Variants in ERG observed in about 807,000 individuals in gnomAD.
ERG encodes the protein transcriptional regulator ERG.
In ERG, 9 loss-of-function variants were observed where a neutral mutation model predicts 55.3. The ratio of observed to expected loss-of-function variants is 0.16; its 90% confidence interval spans 0.10 to 0.28. The LOEUF (loss-of-function observed/expected upper bound fraction) is 0.28, where lower values mean the gene tolerates loss of function less well. ERG is among the 10% of genes least tolerant of loss of function. ERG has a pLI of 1.00. For missense variants in ERG, 434 were observed against 631.6 expected (o/e 0.69, Z 3.35); for synonymous variants, 223 against 237.3 (o/e 0.94, Z 0.55).
At chr21:38,387,917 G>A (rs1987776705) in intron 9 of ERG, among the ~76,000 whole-genome samples, 1 of 152,180 alleles carries the variant, frequency 6.6e-6, no homozygotes, top group African/African-American at 2.4e-5. Flanking sequence ...CTTAGCGTTG[G>A]CAAGGGTTGA....
intron 1 of ERG, chr21:38,575,797 G>C: frequency 6.0e-6 from 8 of 1,342,170 alleles, no homozygotes; most frequent in Non-Finnish European, 8.5e-6. Context: ...CTGCATTTCT[G>C]TGTTTTATGT....
intron 1 of ERG, among the ~76,000 whole-genome samples, chr21:38,458,423 CAAAAAAA>C (rs35307490): frequency 1.2e-5 from 1 of 83,726 alleles, no homozygotes. Flanking sequence ...GACTCTGGCT[CAAAAAAA>C]AAAAAAAAAA....
intron 2 of ERG, among the ~76,000 whole-genome samples, chr21:38,568,854 G>A (rs763290844): frequency 4.6e-5 from 7 of 152,140 alleles, no homozygotes; most frequent in East Asian, 1.9e-4. Context: ...TCAAGCACCC[G>A]AGGGTCACCT....
At chr21:38,640,953 G>T (rs1227419958) in intron 1 of ERG, among the ~76,000 whole-genome samples, 36 of 152,298 alleles carry the variant, frequency 2.4e-4, no homozygotes, top group Admixed American at 2.3e-3. Flanking sequence ...CTATGTATTA[G>T]CATGAGAAAT....
intron 2 of ERG, among the ~76,000 whole-genome samples, chr21:38,518,234 GTGTATC>G (rs779689372): frequency 8.5e-4 from 115 of 135,078 alleles, no homozygotes; most frequent in African/African-American, 1.3e-3. Context: ...ATGTGTGTGT[GTGTATC>G]TATCTATCTA....
chr21:38,501,267 C>T (rs1387102305), upstream of ERG, among the ~76,000 whole-genome samples: 3 of 151,462 alleles, frequency 2.0e-5, no homozygotes, highest in African/African-American at 7.3e-5. Context: ...CGGGGTTTCA[C>T]CATATTAGCC....
intron 2 of ERG, among the ~76,000 whole-genome samples, chr21:38,556,726 G>T (rs75789449): frequency 0.024 from 3,707 of 152,202 alleles, 150 homozygotes; most frequent in African/African-American, 0.084. Flanking sequence ...GACACAGAGT[G>T]GGGGGAAGGC....
At chr21:38,552,229 T>C (rs779297021) in intron 2 of ERG, among the ~76,000 whole-genome samples, 2 of 152,012 alleles carry the variant, frequency 1.3e-5, no homozygotes, top group Non-Finnish European at 2.9e-5. Flanking sequence ...ACCAGAGAGA[T>C]TCACAACCAA....
downstream of ERG, among the ~76,000 whole-genome samples, chr21:38,379,507 T>A (rs1207376247): frequency 1.3e-5 from 2 of 152,204 alleles, no homozygotes; most frequent in Non-Finnish European, 2.9e-5. Flanking sequence ...AAACCATTTT[T>A]TTTTTCCATA....
rs545653860 is a variant in ERG at position 38,422,544 on chromosome 21, C to T, written c.388+866G>A. On this transcript the variant is annotated intron_variant, in intron 3 of 9. Transcript: ENST00000288319. Reference sequence around the variant, plus strand: ...CGTTTCTAAAGCATTTATCCAAATGCCTCCTGTAGGGTAAAGGTTCACTGA... The same window carrying T: ...CGTTTCTAAAGCATTTATCCAAATGTCTCCTGTAGGGTAAAGGTTCACTGA... 7.9e-5 allele frequency among the ~76,000 whole-genome samples: 12 copies of T among 152,338 alleles called. No individual in the cohort carries two copies. The South Asian group carries it at 2.3e-3, about 29-fold the overall frequency.
intron 1 of ERG, among the ~76,000 whole-genome samples, chr21:38,484,128 C>T (rs2059262322): frequency 6.6e-6 from 1 of 152,118 alleles, no homozygotes; most frequent in Non-Finnish European, 1.5e-5. Context: ...TGACGCCTGG[C>T]TAATTTTTTG....
At chr21:38,484,686 T>A (rs2059267498) in intron 1 of ERG, among the ~76,000 whole-genome samples, 1 of 152,222 alleles carries the variant, frequency 6.6e-6, no homozygotes, top group Non-Finnish European at 1.5e-5. Flanking sequence ...TTAGCATACA[T>A]TCAGGAGTTG....
At chr21:38,538,276 G>A (rs2059726178) in intron 2 of ERG, among the ~76,000 whole-genome samples, 1 of 152,014 alleles carries the variant, frequency 6.6e-6, no homozygotes, top group South Asian at 2.1e-4. Context: ...CAATGTGAAT[G>A]TATTTAATAC....
intron 2 of ERG, among the ~76,000 whole-genome samples, chr21:38,428,651 T>TACC (rs1989957890): frequency 6.6e-6 from 1 of 152,192 alleles, no homozygotes; most frequent in East Asian, 1.9e-4. Flanking sequence ...GAAGACTAGT[T>TACC]ACCTTTTAAA....
intron 1 of ERG, among the ~76,000 whole-genome samples, chr21:38,478,058 C>T (rs1601101114): frequency 6.6e-6 from 1 of 152,226 alleles, no homozygotes; most frequent in South Asian, 2.1e-4. Context: ...ATACTCCAGG[C>T]CTCAGAGACG....
chr21:38,397,497 C>T (rs1601332203), intron 6 of ERG, among the ~76,000 whole-genome samples: 1 of 145,792 alleles, frequency 6.9e-6, no homozygotes, highest in Admixed American at 7.1e-5. Context: ...ACTCGGGAGG[C>T]TGAGGCAGAA....
chr21:38,654,438 C>T (rs910532321), intron 1 of ERG, among the ~76,000 whole-genome samples: 2 of 152,242 alleles, frequency 1.3e-5, no homozygotes, highest in Non-Finnish European at 2.9e-5. Flanking sequence ...TGCCATTGCA[C>T]TCCAGCCTGG....
intron 1 of ERG, among the ~76,000 whole-genome samples, chr21:38,470,048 A>T (rs1337903788): frequency 6.6e-6 from 1 of 152,148 alleles, no homozygotes; most frequent in African/African-American, 2.4e-5. Context: ...GAGGGCAGGG[A>T]TGTATCTGAT....
intron 2 of ERG, among the ~76,000 whole-genome samples, chr21:38,510,596 T>C (rs1459609529): frequency 1.3e-5 from 2 of 152,136 alleles, no homozygotes; most frequent in African/African-American, 4.8e-5. Flanking sequence ...ACACTAACAA[T>C]AGGGCTATAC....
Sources: allele counts gnomAD v4.1 joint callset (sites outside exome capture counted in the v4.1 genomes callset), GRCh38; gene constraint gnomAD v4.1.1; transcripts MANE v1.5; gene names NCBI Gene and HGNC (gene_info 2026-07-23, HGNC 2026-07-21).